ACYP2: variants seen among roughly 807,000 people sequenced by gnomAD.
ACYP2 encodes acylphosphatase-2.
ACYP2 carries 12 observed loss-of-function variants against 11.2 expected under a neutral mutation model. That is an observed-to-expected ratio of 1.08 (90% CI 0.69 to 1.74). The LOEUF (loss-of-function observed/expected upper bound fraction) is 1.74, where lower values mean the gene tolerates loss of function less well. Ranked by LOEUF, ACYP2 falls within the 40% of genes most tolerant of loss-of-function variation. The pLI is 0.00. For missense variants in ACYP2, 134 were observed against 101.9 expected (o/e 1.31, Z -1.35); for synonymous variants, 43 against 32.2 (o/e 1.33, Z -1.13).
intron 6 of ACYP2, among the ~76,000 whole-genome samples, chr2:54,172,065 C>G (rs747387434): frequency 3.3e-5 from 5 of 151,856 alleles, no homozygotes; most frequent in Non-Finnish European, 5.9e-5. Flanking sequence ...ATAAAAAATA[C>G]AATTAGCCAA....
At position 54,015,283 on chromosome 2, in the gene ACYP2, G is replaced by C. The variant is rs553690079; in HGVS notation, c.63-35675G>C. On this transcript the variant is annotated intron_variant, in intron 2 of 6. Transcript: ENST00000607452. ...CCCAAGCACTCTGGGAGGCCGAGGC[G>C]AGCAGATCATGTGAGGACGGGAGTT... Among the ~76,000 whole-genome samples the C allele has an allele frequency of 9.2e-5, 14 of 151,594 alleles. No individual in the cohort carries two copies. In the East Asian group the frequency reaches 1.8e-3, roughly 19 times the overall value.
intron 4 of ACYP2, among the ~76,000 whole-genome samples, chr2:54,105,908 A>G (rs1471239251): frequency 6.6e-6 from 1 of 152,042 alleles, no homozygotes; most frequent in African/African-American, 2.4e-5. Flanking sequence ...GCAGTGTGGC[A>G]GAGTGGAAAG....
At chr2:54,096,277 T>C (rs1320880043) in intron 4 of ACYP2, among the ~76,000 whole-genome samples, 1 of 105,794 alleles carries the variant, frequency 9.5e-6, no homozygotes. Context: ...AGACGATGGG[T>C]GGCCGGGCAG....
chr2:54,010,001 G>C (rs558254952), intron 2 of ACYP2, among the ~76,000 whole-genome samples: 1 of 152,212 alleles, frequency 6.6e-6, no homozygotes, highest in East Asian at 1.9e-4. Context: ...AGTCCTACTG[G>C]TTGAATTCAA....
At chr2:54,021,210 A>T (rs962567164) in intron 2 of ACYP2, among the ~76,000 whole-genome samples, 1 of 152,186 alleles carries the variant, frequency 6.6e-6, no homozygotes, top group African/African-American at 2.4e-5. Flanking sequence ...GTTACAGAAC[A>T]GGTAACTCGG....
chr2:53,976,068 A>G (rs544511919), intron 2 of ACYP2, among the ~76,000 whole-genome samples: 2 of 152,286 alleles, frequency 1.3e-5, no homozygotes, highest in South Asian at 2.1e-4. Context: ...TTGGAACACT[A>G]ATTAATCACT....
At chr2:54,068,224 G>A (rs569489275) in intron 4 of ACYP2, among the ~76,000 whole-genome samples, 9 of 152,126 alleles carry the variant, frequency 5.9e-5, no homozygotes, top group Non-Finnish European at 8.8e-5. Flanking sequence ...GAGAGGAACT[G>A]GGTTTGTACA....
intron 6 of ACYP2, among the ~76,000 whole-genome samples, chr2:54,182,321 G>T (rs1342467036): frequency 6.6e-6 from 1 of 151,908 alleles, no homozygotes; most frequent in Non-Finnish European, 1.5e-5. Context: ...GCCTCCCAAA[G>T]TGCTGGGATT....
chr2:54,117,333 C>T (rs1167876959), intron 4 of ACYP2, among the ~76,000 whole-genome samples: 1 of 151,782 alleles, frequency 6.6e-6, no homozygotes, highest in Admixed American at 6.6e-5. Context: ...GCTCTGTCAC[C>T]CAGACTGGAG....
intron 6 of ACYP2, among the ~76,000 whole-genome samples, chr2:54,237,942 C>T (rs114541237): frequency 0.018 from 2,805 of 152,206 alleles, 89 homozygotes; most frequent in African/African-American, 0.063. Flanking sequence ...GCCGTACTCT[C>T]GTTACTCGCT....
chr2:54,110,134 G>A (rs886456870), intron 4 of ACYP2, among the ~76,000 whole-genome samples: 4 of 152,006 alleles, frequency 2.6e-5, no homozygotes, highest in East Asian at 1.9e-4. Flanking sequence ...TAAACTTCAC[G>A]TAAGCATTTT....
At chr2:54,214,638 T>C (rs1438333828) in intron 6 of ACYP2, among the ~76,000 whole-genome samples, 2 of 152,254 alleles carry the variant, frequency 1.3e-5, no homozygotes, top group African/African-American at 4.8e-5. Flanking sequence ...TTTTGGTTAC[T>C]GTAGCCTTGT....
intron 6 of ACYP2, chr2:54,256,196 G>C: frequency 1.3e-6 from 2 of 1,551,060 alleles, no homozygotes; most frequent in Non-Finnish European, 1.7e-6. Flanking sequence ...CAGGCCAGAG[G>C]TAGGTAGCGT....
chr2:54,142,700 G>A (rs1315408268), intron 6 of ACYP2: 2 of 152,052 alleles, frequency 1.3e-5, no homozygotes, highest in African/African-American at 4.8e-5. Flanking sequence ...TCCAGTCTGG[G>A]CAATGGGAGT....
At chr2:54,005,942 GT>G (rs1673041763) in intron 2 of ACYP2, among the ~76,000 whole-genome samples, 1 of 152,118 alleles carries the variant, frequency 6.6e-6, no homozygotes, top group African/African-American at 2.4e-5. Context: ...ATAATATTGA[GT>G]TTTCGTAATC....
At chr2:54,196,098 C>T (rs1266824700) in intron 6 of ACYP2, among the ~76,000 whole-genome samples, 2 of 152,022 alleles carry the variant, frequency 1.3e-5, no homozygotes, top group Non-Finnish European at 2.9e-5. Flanking sequence ...ATGCCCGGCC[C>T]ACATTGTCAT....
chr2:54,230,264 T>A (rs1350355008), intron 6 of ACYP2, among the ~76,000 whole-genome samples: 2 of 152,184 alleles, frequency 1.3e-5, no homozygotes, highest in South Asian at 4.1e-4. Flanking sequence ...AAAGAAACAA[T>A]TTACAACCCC....
chr2:54,283,432 A>T (rs1688931840), intron 6 of ACYP2, among the ~76,000 whole-genome samples: 2 of 152,090 alleles, frequency 1.3e-5, no homozygotes. Flanking sequence ...ATGCCCCAGG[A>T]CTCTGTGTAG....
At chr2:54,254,666 C>T (rs907319493) in intron 6 of ACYP2, 8 of 472,300 alleles carry the variant, frequency 1.7e-5, no homozygotes, top group Admixed American at 3.7e-5. Context: ...TCATTCGCTT[C>T]GCTTAGAAGG....
Sources: allele counts gnomAD v4.1 joint callset (sites outside exome capture counted in the v4.1 genomes callset), GRCh38; gene constraint gnomAD v4.1.1; transcripts MANE v1.5; gene names NCBI Gene and HGNC (gene_info 2026-07-23, HGNC 2026-07-21).